C9orf85: variants seen among roughly 807,000 people sequenced by gnomAD.
The protein encoded by C9orf85 is uncharacterized protein C9orf85.
A neutral mutation model predicts 14.9 loss-of-function variants in C9orf85; 16 were observed. The observed-to-expected ratio is 1.08, with a 90% confidence interval of 0.73 to 1.63. The LOEUF is 1.63. Among genes scored for constraint, C9orf85 ranks in the 40% most tolerant of loss-of-function variants. C9orf85 has a pLI of 0.00. For synonymous variants in C9orf85, 45 were observed against 56.8 expected, an observed-to-expected ratio of 0.79 and a Z score of 0.93; for missense variants, 172 against 186.1, an observed-to-expected ratio of 0.92 and a Z score of 0.44.
At chr9:71,927,340 A>T (rs1470024911) in intron 1 of C9orf85, among the ~76,000 whole-genome samples, 3 of 151,864 alleles carry the variant, frequency 2.0e-5, no homozygotes, top group Admixed American at 2.0e-4. Context: ...GAAGAAACTG[A>T]TGAACCAAGA....
chr9:71,979,655 G>A (rs1402320908), intron 3 of C9orf85, among the ~76,000 whole-genome samples: 2 of 152,174 alleles, frequency 1.3e-5, no homozygotes, highest in Admixed American at 1.3e-4. Flanking sequence ...AAAGGTGTGA[G>A]TGCAATAGCA....
At chr9:71,953,575 T>A (rs1822300274) in intron 2 of C9orf85, among the ~76,000 whole-genome samples, 1 of 152,218 alleles carries the variant, frequency 6.6e-6, no homozygotes, top group East Asian at 1.9e-4. Context: ...ATATTTTAAT[T>A]GAACAGAGTC....
At chr9:71,912,864 A>G (rs1020048927) in intron 1 of C9orf85, among the ~76,000 whole-genome samples, 1 of 152,136 alleles carries the variant, frequency 6.6e-6, no homozygotes, top group Non-Finnish European at 1.5e-5. Context: ...TGGGCGACAG[A>G]GCAAGACTCC....
intron 2 of C9orf85, among the ~76,000 whole-genome samples, chr9:71,954,617 CTG>C (rs897244955): frequency 1.3e-5 from 2 of 152,132 alleles, no homozygotes; most frequent in African/African-American, 4.8e-5. Flanking sequence ...CATTTGTAAA[CTG>C]TAATGGTGCT....
chr9:71,948,480 A>C (rs1042038407), intron 2 of C9orf85, among the ~76,000 whole-genome samples: 7 of 152,194 alleles, frequency 4.6e-5, no homozygotes, highest in Non-Finnish European at 7.4e-5. Context: ...AGTATTTATT[A>C]CAGGTATAGT....
At chr9:71,942,847 GAGC>G (rs1171214331) in intron 1 of C9orf85, among the ~76,000 whole-genome samples, 3 of 150,638 alleles carry the variant, frequency 2.0e-5, no homozygotes, top group Non-Finnish European at 4.4e-5. Context: ...AGGTTGCAGT[GAGC>G]CAAGATCATG....
intron 3 of C9orf85, among the ~76,000 whole-genome samples, chr9:71,980,211 A>C (rs928818166): frequency 2.0e-5 from 3 of 151,952 alleles, no homozygotes; most frequent in African/African-American, 7.2e-5. Flanking sequence ...ACAGGGTTTC[A>C]CCATTTTGGC....
intron 1 of C9orf85, among the ~76,000 whole-genome samples, chr9:71,921,246 C>G (rs1036633634): frequency 2.0e-5 from 3 of 152,134 alleles, no homozygotes; most frequent in African/African-American, 7.2e-5. Flanking sequence ...ATCTCCTTCC[C>G]CTTAGGAGAG....
chr9:71,919,794 T>C (rs1827747664), intron 1 of C9orf85, among the ~76,000 whole-genome samples: 1 of 152,160 alleles, frequency 6.6e-6, no homozygotes, highest in African/African-American at 2.4e-5. Flanking sequence ...GGATGTTCCA[T>C]ATACTTAGAT....
intron 3 of C9orf85, chr9:71,982,632 C>CTTTTTTTTTTTTT (rs56038535): frequency 2.0e-5 from 5 of 247,706 alleles, no homozygotes; most frequent in Non-Finnish European, 2.8e-5. Context: ...TTGTATATTT[C>CTTTTTTTTTTTTT]TTTTTTTTTT....
chr9:71,949,170 G>C (rs543461947), intron 2 of C9orf85, among the ~76,000 whole-genome samples: 1 of 152,180 alleles, frequency 6.6e-6, no homozygotes, highest in Non-Finnish European at 1.5e-5. Flanking sequence ...TCTCTTTATA[G>C]TGTTGTTTCC....
At chr9:71,943,542 G>GT (rs776023739) in intron 1 of C9orf85, among the ~76,000 whole-genome samples, 6 of 149,714 alleles carry the variant, frequency 4.0e-5, no homozygotes, top group East Asian at 2.0e-4. Context: ...TCTTTTTTTT[G>GT]TTTTTTGTTT....
rs1554705097 is a variant in C9orf85 at position 71,911,845 on chromosome 9, C to G, written c.102+9C>G. On this transcript the variant is annotated intron_variant, in intron 1 of 3. Coordinates refer to ENST00000334731, the MANE Select transcript of C9orf85 (RefSeq NM_182505.5). Reference sequence around the variant, plus strand: ...AAAGTGTGCAGACCAAGGTAGGAACCTGCCTGTTGCACCGTCTTTGACTCC... The same window carrying G: ...AAAGTGTGCAGACCAAGGTAGGAACGTGCCTGTTGCACCGTCTTTGACTCC... 2 of 1,611,588 alleles carry G rather than the reference C, an allele frequency of 1.2e-6. No individual in the cohort carries two copies. The highest frequency in any genetic ancestry group is 1.7e-6 in the Non-Finnish European group (2 of 1,177,742).
chr9:71,915,110 G>A (rs2132241036), intron 1 of C9orf85, among the ~76,000 whole-genome samples: 1 of 152,128 alleles, frequency 6.6e-6, no homozygotes, highest in Non-Finnish European at 1.5e-5. Context: ...CTATGATACT[G>A]GGTTAGTACT....
chr9:71,946,450 T>A (rs1370621582), intron 1 of C9orf85, among the ~76,000 whole-genome samples: 2 of 152,210 alleles, frequency 1.3e-5, no homozygotes, highest in African/African-American at 2.4e-5. Context: ...ACTGTGCAGT[T>A]TTGAGTTTTG....
At chr9:71,976,459 G>C (rs1216776231), downstream of C9orf85, among the ~76,000 whole-genome samples, 1 of 152,048 alleles carries the variant, frequency 6.6e-6, no homozygotes, top group Non-Finnish European at 1.5e-5. Context: ...TCAGGAGATC[G>C]AGACCATCCT....
intron 3 of C9orf85, among the ~76,000 whole-genome samples, chr9:71,981,958 G>C (rs1823105175): frequency 6.6e-6 from 1 of 152,034 alleles, no homozygotes; most frequent in African/African-American, 2.4e-5. Context: ...TTAACGATTT[G>C]GTAAATAGAC....
At chr9:71,911,987 A>G (rs777303972) in intron 1 of C9orf85, 151 bp downstream of exon 1, 1 of 723,270 alleles carries the variant, frequency 1.4e-6, no homozygotes. Context: ...CTAAAATGTT[A>G]TTCTCACGCC....
intron 1 of C9orf85, among the ~76,000 whole-genome samples, chr9:71,933,796 G>A (rs1263234813): frequency 6.6e-6 from 1 of 152,128 alleles, no homozygotes; most frequent in African/African-American, 2.4e-5. Flanking sequence ...AACTCTAACT[G>A]CTATTGTTTG....
Sources: allele counts gnomAD v4.1 joint callset (sites outside exome capture counted in the v4.1 genomes callset), GRCh38; gene constraint gnomAD v4.1.1; transcripts MANE v1.5; gene names NCBI Gene and HGNC (gene_info 2026-07-23, HGNC 2026-07-21).